PHF20: variants seen among roughly 807,000 people sequenced by gnomAD.
PHF20 encodes the protein glioma-expressed antigen 2.
In PHF20, 23 loss-of-function variants were observed where a neutral mutation model predicts 113.5. That is an observed-to-expected ratio of 0.20 (90% CI 0.15 to 0.29). The LOEUF is 0.29. Among genes scored for constraint, PHF20 ranks in the 10% least tolerant of loss-of-function variants. The pLI, the probability that PHF20 is intolerant of heterozygous loss-of-function variation, is 1.00. For synonymous variants in PHF20, 434 were observed against 457.3 expected (o/e 0.95, Z 0.65); for missense variants, 943 against 1,219.6 (o/e 0.77, Z 3.38).
In PHF20 at chr20:35,912,392, G is replaced by T. The variant is rs190259732; in HGVS notation, c.1562-857G>T. Among the ~76,000 whole-genome samples the T allele has an allele frequency of 1.8e-3, 268 of 152,316 alleles. 1 individual carries two copies. Among genetic ancestry groups the T allele is most frequent in the Non-Finnish European group, 3.2e-3 (215 of 68,032 alleles). On this transcript the variant is annotated intron_variant, in intron 10 of 17. Coordinates refer to ENST00000374012, the MANE Select transcript of PHF20 (RefSeq NM_016436.5). ...GAAAAACTGTGAAGGGAGAAGTTTG[G>T]ACAGGGAGGATTGACATCTTAAGGA... is the stretch of plus-strand genomic sequence containing the variant.
chr20:35,780,344 GCC>G (rs2041265361), intron 1 of PHF20, among the ~76,000 whole-genome samples: 1 of 148,388 alleles, frequency 6.7e-6, no homozygotes, highest in Non-Finnish European at 1.5e-5. Context: ...TCCTGCCTCA[GCC>G]TCCTGAGTAG....
intron 2 of PHF20, among the ~76,000 whole-genome samples, chr20:35,811,563 C>T (rs933401784): frequency 6.6e-6 from 1 of 151,584 alleles, no homozygotes; most frequent in African/African-American, 2.4e-5. Flanking sequence ...CTGTCTCAGT[C>T]TCCCAAGCAG....
At chr20:35,866,806 A>T (rs1191819900) in intron 6 of PHF20, among the ~76,000 whole-genome samples, 1 of 152,232 alleles carries the variant, frequency 6.6e-6, no homozygotes, top group Non-Finnish European at 1.5e-5. Flanking sequence ...CTCCATTGAG[A>T]TAAGAACAAG....
chr20:35,860,170 G>T (rs2054193774), intron 5 of PHF20, among the ~76,000 whole-genome samples: 1 of 151,948 alleles, frequency 6.6e-6, no homozygotes, highest in Non-Finnish European at 1.5e-5. Flanking sequence ...GCCCACCTTG[G>T]ACTCCTAAAG....
intron 4 of PHF20, among the ~76,000 whole-genome samples, chr20:35,850,091 C>T (rs994548102): frequency 2.0e-5 from 3 of 152,126 alleles, no homozygotes; most frequent in Admixed American, 1.3e-4. Flanking sequence ...TAGCTTTTTT[C>T]ACCTGGAGTG....
At chr20:35,945,291 C>A (rs2056065677) in intron 17 of PHF20, among the ~76,000 whole-genome samples, 1 of 152,056 alleles carries the variant, frequency 6.6e-6, no homozygotes, top group African/African-American at 2.4e-5. Context: ...GCAGACTCAG[C>A]CTTTGCCCTC....
intron 2 of PHF20, among the ~76,000 whole-genome samples, chr20:35,804,229 GTTTTT>G (rs1216930263): frequency 1.0e-5 from 1 of 99,584 alleles, no homozygotes; most frequent in Admixed American, 1.1e-4. Context: ...GCTACTGTAT[GTTTTT>G]TTTTTTTTTT....
At chr20:35,803,946 C>T (rs2041833359) in intron 2 of PHF20, among the ~76,000 whole-genome samples, 1 of 152,024 alleles carries the variant, frequency 6.6e-6, no homozygotes, top group African/African-American at 2.4e-5. Context: ...CCTCCAACTC[C>T]TGGGCTCAAG....
chr20:35,822,440 AAAAG>A (rs1247800178), intron 2 of PHF20, among the ~76,000 whole-genome samples: 1 of 151,854 alleles, frequency 6.6e-6, no homozygotes, highest in Non-Finnish European at 1.5e-5. Context: ...AAAAAAGAAA[AAAAG>A]TAAAGGAATT....
chr20:35,855,675 T>G (rs949659251), intron 4 of PHF20: 1 of 152,054 alleles, frequency 6.6e-6, no homozygotes, highest in African/African-American at 2.4e-5. Flanking sequence ...TATTTTATTT[T>G]TATTTTTTAT....
chr20:35,772,946 G>A (rs989480600), intron 1 of PHF20, among the ~76,000 whole-genome samples: 1 of 152,140 alleles, frequency 6.6e-6, no homozygotes, highest in African/African-American at 2.4e-5. Context: ...CAAACCTGAG[G>A]TTGGGCCGAA....
At chr20:35,846,976 CAGA>C (rs962908581) in intron 3 of PHF20, among the ~76,000 whole-genome samples, 3 of 152,090 alleles carry the variant, frequency 2.0e-5, no homozygotes, top group African/African-American at 7.2e-5. Context: ...AGGGACCAAA[CAGA>C]AGGAGACTTG....
At chr20:35,889,519 G>A (rs1021510532) in intron 9 of PHF20, among the ~76,000 whole-genome samples, 6 of 151,392 alleles carry the variant, frequency 4.0e-5, no homozygotes, top group Non-Finnish European at 7.4e-5. Flanking sequence ...GCACCACCAC[G>A]CCCGGATAAA....
At chr20:35,881,653 A>T (rs749506920) in intron 9 of PHF20, among the ~76,000 whole-genome samples, 1 of 152,158 alleles carries the variant, frequency 6.6e-6, no homozygotes, top group Non-Finnish European at 1.5e-5. Flanking sequence ...TTCAGACTTT[A>T]TCAGTTTTTG....
chr20:35,921,060 G>A (rs2055501698), intron 13 of PHF20, among the ~76,000 whole-genome samples: 1 of 152,196 alleles, frequency 6.6e-6, no homozygotes, highest in Admixed American at 6.5e-5. Flanking sequence ...GTGACAGACA[G>A]TTGCTGACTT....
intron 6 of PHF20, among the ~76,000 whole-genome samples, chr20:35,865,357 TGA>T (rs2054295193): frequency 6.6e-6 from 1 of 151,800 alleles, no homozygotes; most frequent in South Asian, 2.1e-4. Flanking sequence ...AAAAATTGGC[TGA>T]GAGTGGTGGC....
intron 2 of PHF20, among the ~76,000 whole-genome samples, chr20:35,830,685 A>G (rs2042343366): frequency 6.6e-6 from 1 of 152,002 alleles, no homozygotes; most frequent in South Asian, 2.1e-4. Context: ...ATAGTTAGAT[A>G]ATCCATCACT....
chr20:35,904,956 G>T (rs2055176950), intron 10 of PHF20, among the ~76,000 whole-genome samples: 1 of 152,008 alleles, frequency 6.6e-6, no homozygotes, highest in Non-Finnish European at 1.5e-5. Context: ...CTCCCGAGTA[G>T]CTGGGATTAC....
At position 35,867,212 on chromosome 20, in the gene PHF20, G is replaced by C. The variant is rs2054334170; in HGVS notation, c.809-2226G>C. ...TGAGCACCCTAGATTGTATAGACTTGATTGGGAACAGGATCTGAGCTATTT... is the reference window on the plus strand; with the variant it reads ...TGAGCACCCTAGATTGTATAGACTTCATTGGGAACAGGATCTGAGCTATTT... On this transcript the variant is annotated intron_variant, in intron 6 of 17. Coordinates refer to ENST00000374012, the MANE Select transcript of PHF20 (RefSeq NM_016436.5). Among the ~76,000 whole-genome samples, 3 of 152,200 alleles carry C rather than the reference G, an allele frequency of 2.0e-5. No individual in the cohort carries two copies. In the South Asian group the frequency reaches 6.2e-4, roughly 32 times the overall value.
Sources: gnomAD v4.1 joint callset for allele counts (sites outside exome capture counted in the v4.1 genomes callset) on GRCh38, gnomAD v4.1.1 for gene constraint, MANE v1.5 for transcripts, NCBI Gene and HGNC (gene_info 2026-07-23, HGNC 2026-07-21) for gene names.